DCAF6: variants seen among roughly 807,000 people sequenced by gnomAD.
DCAF6 encodes DDB1 and CUL4 associated factor 6, also known as DDB1- and CUL4-associated factor 6.
In DCAF6, 54 loss-of-function variants were observed where a neutral mutation model predicts 125.1. The observed-to-expected ratio is 0.43, with a 90% CI of 0.35 to 0.54. The LOEUF (loss-of-function observed/expected upper bound fraction) is 0.54, where lower values mean the gene tolerates loss of function less well. Among genes scored for constraint, DCAF6 ranks in the 20% least tolerant of loss-of-function variants. DCAF6 has a pLI of 0.01. For missense variants in DCAF6, 934 were observed against 1,161.7 expected, an observed-to-expected ratio of 0.80 and a Z score of 2.85; for synonymous variants, 371 against 390.4, an observed-to-expected ratio of 0.95 and a Z score of 0.58.
At chr1:167,904,684 G>A in the DCAF6 span, 1 of 591,926 alleles carries the variant, frequency 1.7e-6, no homozygotes. Context: ...AATTTTGACT[G>A]GGATGTGTAT....
the DCAF6 span, among the ~76,000 whole-genome samples, chr1:167,903,315 G>C: frequency 6.6e-6 from 1 of 151,246 alleles, no homozygotes; most frequent in African/African-American, 2.4e-5. Flanking sequence ...TGTAATCCCA[G>C]CACTTTGGGG....
At chr1:167,893,993 A>C in the DCAF6 span, 2 of 1,290,036 alleles carry the variant, frequency 1.6e-6, no homozygotes, top group Admixed American at 3.4e-5. Flanking sequence ...TTGGCTCTGC[A>C]GTGCTAGTGA....
chr1:168,030,472 GT>G (rs1457840884), intron 12 of DCAF6, among the ~76,000 whole-genome samples: 2 of 152,216 alleles, frequency 1.3e-5, no homozygotes, highest in Non-Finnish European at 2.9e-5. Context: ...AAATTAGGGA[GT>G]ATGGCTATGG....
intron 21 of DCAF6, 96 bp from the exon 22 acceptor site, chr1:168,075,275 T>A: frequency 8.4e-7 from 1 of 1,183,678 alleles, no homozygotes; most frequent in Non-Finnish European, 1.2e-6. Context: ...GGTGAACTGA[T>A]TTTTAATGCG....
intron 4 of DCAF6, among the ~76,000 whole-genome samples, chr1:167,984,904 G>A (rs911152437): frequency 6.6e-6 from 1 of 152,156 alleles, no homozygotes; most frequent in African/African-American, 2.4e-5. Context: ...AAAGAAAGAG[G>A]TTTATTGGAC....
the DCAF6 span, chr1:167,883,414 C>T: frequency 5.6e-6 from 9 of 1,610,956 alleles, no homozygotes; most frequent in East Asian, 2.2e-5. Flanking sequence ...TTGGTAGGTT[C>T]CCATCCCATA....
intron 20 of DCAF6, among the ~76,000 whole-genome samples, 153 bp downstream of exon 20, chr1:168,066,618 AG>A (rs1692364974): frequency 6.6e-6 from 1 of 152,198 alleles, no homozygotes; most frequent in African/African-American, 2.4e-5. Flanking sequence ...TTAAGATAAA[AG>A]GATGTCTATA....
intron 1 of DCAF6, among the ~76,000 whole-genome samples, chr1:167,949,583 C>G (rs1231988541): frequency 1.3e-5 from 2 of 152,134 alleles, no homozygotes; most frequent in East Asian, 3.8e-4. Flanking sequence ...TTCAAGTTTC[C>G]CTATGAGACT....
chr1:168,014,982 AAC>A (rs1684771728), intron 10 of DCAF6, among the ~76,000 whole-genome samples: 2 of 152,296 alleles, frequency 1.3e-5, no homozygotes, highest in South Asian at 4.1e-4. Context: ...ACGTGACACA[AAC>A]ACATATGTTC....
At chr1:167,965,690 G>C (rs913183665) in intron 2 of DCAF6, among the ~76,000 whole-genome samples, 1 of 151,904 alleles carries the variant, frequency 6.6e-6, no homozygotes, top group Non-Finnish European at 1.5e-5. Context: ...GCAGTGACAC[G>C]ATCTTGGCTC....
chr1:167,922,842 T>G, the DCAF6 span, among the ~76,000 whole-genome samples: 85 of 152,196 alleles, frequency 5.6e-4, no homozygotes, highest in Non-Finnish European at 1.0e-3. Context: ...AGCCCATCAC[T>G]CAACAACAAC....
intron 18 of DCAF6, among the ~76,000 whole-genome samples, chr1:168,064,449 T>G (rs1204448460): frequency 6.6e-6 from 1 of 152,204 alleles, no homozygotes; most frequent in African/African-American, 2.4e-5. Context: ...GAATCAGTTT[T>G]AATCCATATT....
the DCAF6 span, among the ~76,000 whole-genome samples, chr1:167,911,830 A>G: frequency 6.6e-6 from 1 of 152,198 alleles, no homozygotes; most frequent in East Asian, 1.9e-4. Context: ...TTAAGATTCT[A>G]TTGTTTTAAT....
chr1:167,899,591 T>G, the DCAF6 span: 1 of 1,614,108 alleles, frequency 6.2e-7, no homozygotes, highest in Non-Finnish European at 8.5e-7. Flanking sequence ...GTGTTTCATC[T>G]CCAAAGACCA....
chr1:167,935,923 CT>C, upstream of DCAF6: 2 of 1,080,250 alleles, frequency 1.9e-6, no homozygotes, highest in Non-Finnish European at 2.8e-6. Context: ...GAGCTAGTCA[CT>C]TTTCCTGCCA....
intron 17 of DCAF6, among the ~76,000 whole-genome samples, chr1:168,053,006 T>C (rs1690148408): frequency 6.6e-6 from 1 of 152,202 alleles, no homozygotes; most frequent in Non-Finnish European, 1.5e-5. Flanking sequence ...CTGAATACAT[T>C]CAGAGGACTA....
At chr1:167,896,543 C>G in the DCAF6 span, 2 of 1,397,296 alleles carry the variant, frequency 1.4e-6, no homozygotes, top group Non-Finnish European at 1.0e-6. Context: ...TGATATAAGA[C>G]CCTACTGACC....
At chr1:167,898,322 T>C in the DCAF6 span, among the ~76,000 whole-genome samples, 1 of 152,058 alleles carries the variant, frequency 6.6e-6, no homozygotes, top group Non-Finnish European at 1.5e-5. Flanking sequence ...GAAGAGAGGC[T>C]GGGCGTGGTG....
chr1:167,890,629 G>A, the DCAF6 span, among the ~76,000 whole-genome samples: 1 of 152,148 alleles, frequency 6.6e-6, no homozygotes, highest in Non-Finnish European at 1.5e-5. Flanking sequence ...CCAGGTTTGT[G>A]TCTTTCCCTT....
Sources: gnomAD v4.1 joint callset for allele counts (sites outside exome capture counted in the v4.1 genomes callset) on GRCh38, gnomAD v4.1.1 for gene constraint, MANE v1.5 for transcripts, NCBI Gene and HGNC (gene_info 2026-07-23, HGNC 2026-07-21) for gene names.